GTF2IRD1: variants seen among roughly 807,000 people sequenced by gnomAD.
GTF2IRD1 encodes GTF2I repeat domain containing 1.
A neutral mutation model predicts 113.2 loss-of-function variants in GTF2IRD1; 26 were observed. The observed-to-expected ratio is 0.23, with a 90% confidence interval of 0.17 to 0.32. The LOEUF is 0.32. Ranked by LOEUF, GTF2IRD1 falls within the 10% of genes least tolerant of loss-of-function variation. The probability of loss-of-function intolerance (pLI) is 1.00; values close to 1 mark genes in which losing one functional copy is unlikely to be tolerated. For missense variants in GTF2IRD1, 864 were observed against 1,280.8 expected, an observed-to-expected ratio of 0.67 and a Z score of 4.97; for synonymous variants, 484 against 529.1, an observed-to-expected ratio of 0.91 and a Z score of 1.17.
intron 2 of GTF2IRD1, 79 bp downstream of exon 2, chr7:74,508,282 C>A: frequency 6.7e-7 from 1 of 1,491,868 alleles, no homozygotes. Flanking sequence ...CCTACCTCAG[C>A]TACTCGAAGG....
intron 1 of GTF2IRD1, among the ~76,000 whole-genome samples, chr7:74,485,765 T>A (rs562416578): frequency 2.6e-5 from 4 of 151,756 alleles, no homozygotes; most frequent in South Asian, 4.2e-4. Context: ...CTACTAAAAA[T>A]TTTTTAAAAA....
Position 74,589,900 on chromosome 7 carries a change from G to A in GTF2IRD1, c.2370G>A (p.Gln790=). The A allele has an allele frequency of 6.2e-7, 1 of 1,611,578 alleles. No homozygotes were observed. Among genetic ancestry groups the A allele is most frequent in the Non-Finnish European group, 8.5e-7 (1 of 1,177,866 alleles). ...RLGEKVILRE[Q]VKELFNEKYG... ...GGGAGAAGGTGATCCTGCGGGAGCA[G>A]GTGAAGGAACTCTTCAACGAGAAAT... Residue 790 remains glutamine, a synonymous_variant, in exon 23 of 27, where the codon CAG becomes CAA. Transcript: ENST00000424337.
At chr7:74,601,407 C>A in intron 26 of GTF2IRD1, 1 of 1,485,458 alleles carries the variant, frequency 6.7e-7, no homozygotes, top group Non-Finnish European at 8.9e-7. Context: ...GAATTCACAT[C>A]CTCGCTGGGC....
chr7:74,574,862 G>A (rs1219635347), intron 22 of GTF2IRD1, among the ~76,000 whole-genome samples: 1 of 151,980 alleles, frequency 6.6e-6, no homozygotes, highest in Non-Finnish European at 1.5e-5. Context: ...GCTGAGGTGG[G>A]CGGATCACCT....
At chr7:74,482,439 G>A (rs921467298) in intron 1 of GTF2IRD1, among the ~76,000 whole-genome samples, 3 of 151,630 alleles carry the variant, frequency 2.0e-5, no homozygotes, top group African/African-American at 4.8e-5. Context: ...TGTTGTCCAG[G>A]CTGGTCTCAA....
intron 4 of GTF2IRD1, among the ~76,000 whole-genome samples, chr7:74,516,798 T>G (rs1455236630): frequency 6.6e-6 from 1 of 152,118 alleles, no homozygotes; most frequent in African/African-American, 2.4e-5. Context: ...TGGCCCCCCT[T>G]GTCCACTTTG....
intron 17 of GTF2IRD1, among the ~76,000 whole-genome samples, chr7:74,554,475 C>T (rs1225004594): frequency 2.0e-5 from 3 of 152,158 alleles, no homozygotes; most frequent in Admixed American, 6.6e-5. Context: ...AGACGTGAGC[C>T]GTAGATCTCA....
chr7:74,535,533 G>A (rs1239129086), intron 10 of GTF2IRD1, among the ~76,000 whole-genome samples: 1 of 152,232 alleles, frequency 6.6e-6, no homozygotes, highest in Non-Finnish European at 1.5e-5. Flanking sequence ...CCCAGCTGGT[G>A]AGCACGGGTC....
chr7:74,581,798 G>T (rs587707261), intron 22 of GTF2IRD1, among the ~76,000 whole-genome samples: 16 of 152,298 alleles, frequency 1.1e-4, no homozygotes, highest in Non-Finnish European at 2.4e-4. Flanking sequence ...CTTGAGCTTA[G>T]GAGTTGAAGA....
chr7:74,588,106 CTTT>C (rs781908698), intron 22 of GTF2IRD1, among the ~76,000 whole-genome samples: 2 of 134,988 alleles, frequency 1.5e-5, no homozygotes, highest in Admixed American at 7.5e-5. Context: ...CTTTTCTTTT[CTTT>C]TTTTTTTTTT....
intron 22 of GTF2IRD1, among the ~76,000 whole-genome samples, chr7:74,579,971 C>T (rs137903887): frequency 1.3e-5 from 2 of 152,216 alleles, no homozygotes; most frequent in Non-Finnish European, 2.9e-5. Flanking sequence ...TCTGGGATGG[C>T]AGAAGAACCA....
intron 7 of GTF2IRD1, among the ~76,000 whole-genome samples, chr7:74,521,698 G>A (rs1425470774): frequency 1.3e-5 from 2 of 152,124 alleles, no homozygotes; most frequent in African/African-American, 4.8e-5. Context: ...GGAGTTGGAG[G>A]CTGCAGTGAG....
At chr7:74,537,891 A>C (rs1308459908) in intron 11 of GTF2IRD1, among the ~76,000 whole-genome samples, 1 of 152,226 alleles carries the variant, frequency 6.6e-6, no homozygotes, top group Non-Finnish European at 1.5e-5. Flanking sequence ...GGTTCACCCC[A>C]GGAGAGTGAG....
chr7:74,480,126 A>G (rs1554334339), intron 1 of GTF2IRD1, among the ~76,000 whole-genome samples: 1 of 151,010 alleles, frequency 6.6e-6, no homozygotes, highest in African/African-American at 2.4e-5. Flanking sequence ...CTCAGCTCAA[A>G]TCCTTGCACT....
Position 74,591,015 on chromosome 7 carries a change from C to A in GTF2IRD1, c.2589C>A (p.Leu863=). The A allele has an allele frequency of 6.2e-7, 1 of 1,606,318 alleles. No individual in the cohort carries two copies. Among genetic ancestry groups the A allele is most frequent in the Non-Finnish European group, 8.5e-7 (1 of 1,174,984 alleles). ...TCCGCATGGTCATCATTAACCAGCT[C>A]CAGTGAGTGCCCGGCCTCTGGAACG... is the stretch of plus-strand genomic sequence containing the variant. ...EHVRMVIINQ[L]QPFAEICNDA... is the part of the protein sequence containing the mutation. Residue 863 remains leucine (L), a splice_region_variant and synonymous_variant, in exon 24 of 27, where the codon CTC becomes CTA. Transcript: ENST00000424337.
intron 22 of GTF2IRD1, among the ~76,000 whole-genome samples, chr7:74,566,374 GCT>G (rs61174560): frequency 0.2 from 29,853 of 150,758 alleles, 3,091 homozygotes; most frequent in Middle Eastern, 0.29. Context: ...ACGGAGTCTC[GCT>G]CTGTCCCCCA....
At chr7:74,549,299 T>C (rs1799147973) in intron 17 of GTF2IRD1, among the ~76,000 whole-genome samples, 2 of 128,822 alleles carry the variant, frequency 1.6e-5, no homozygotes, top group South Asian at 2.3e-4. Flanking sequence ...CAAGACTCTG[T>C]CTCAAAAAAA....
At chr7:74,502,286 G>T (rs1228525323) in intron 1 of GTF2IRD1, among the ~76,000 whole-genome samples, 2 of 152,306 alleles carry the variant, frequency 1.3e-5, no homozygotes, top group Admixed American at 1.3e-4. Context: ...CTTTGTCTTA[G>T]CCTTGTTCTT....
rs1392948855 is a variant in GTF2IRD1 at position 74,539,869 on chromosome 7, T to C, written c.1529-10T>C. On this transcript the variant is annotated splice_polypyrimidine_tract_variant and intron_variant, in intron 13 of 26. Coordinates refer to ENST00000424337, the MANE Select transcript of GTF2IRD1 (RefSeq NM_005685.4). The stretch of plus-strand genomic sequence containing the variant: ...GAAGATACCCGTGTCATTCGGAGTT[T>C]TGTCTTCAGACCCCTCGCCAACCTC... 4 of 1,605,898 alleles carry C rather than the reference T, an allele frequency of 2.5e-6. No homozygotes were observed. In the African/African-American group the frequency reaches 5.4e-5, roughly 21 times the overall value.
Sources: gnomAD v4.1 joint callset for allele counts (sites outside exome capture counted in the v4.1 genomes callset) on GRCh38, gnomAD v4.1.1 for gene constraint, MANE v1.5 for transcripts, NCBI Gene and HGNC (gene_info 2026-07-23, HGNC 2026-07-21) for gene names.